Variants in CELF2 observed in about 807,000 individuals in gnomAD.
CELF2 encodes the protein CUG triplet repeat RNA-binding protein 2.
A neutral mutation model predicts 62.6 loss-of-function variants in CELF2; 8 were observed. The observed-to-expected ratio is 0.13, with a 90% CI of 0.07 to 0.23. The LOEUF (loss-of-function observed/expected upper bound fraction) is 0.23, where lower values mean the gene tolerates loss of function less well. Ranked by LOEUF, CELF2 falls within the 10% of genes least tolerant of loss-of-function variation. The pLI, the probability that CELF2 is intolerant of heterozygous loss-of-function variation, is 1.00. For synonymous variants in CELF2, 258 were observed against 250.0 expected (o/e 1.03, Z -0.30); for missense variants, 333 against 671.0 (o/e 0.50, Z 5.56).
intron 2 of CELF2, among the ~76,000 whole-genome samples, chr10:11,176,683 A>G (rs2071267363): frequency 6.6e-6 from 1 of 152,188 alleles, no homozygotes; most frequent in Non-Finnish European, 1.5e-5. Flanking sequence ...GGACTAGAAA[A>G]CAGTACAGAT....
intron 1 of CELF2, among the ~76,000 whole-genome samples, chr10:11,164,056 C>G (rs1440985079): frequency 2.0e-5 from 3 of 152,166 alleles, no homozygotes; most frequent in African/African-American, 4.8e-5. Flanking sequence ...TAGCATGTCC[C>G]CTTTCTGACC....
chr10:11,334,535 T>A lies in CELF2; in HGVS notation c.*5482T>A, dbSNP rs1222362824. On this transcript the variant is annotated 3_prime_UTR_variant, in exon 13 of 13. Transcript: ENST00000633077. ...AGAGGAAACTGCACAGCAGCCACCT[T>A]TGATTTATGTACAACCGCCCACTTG... The A allele has an allele frequency of 6.6e-6, 1 of 152,616 alleles. No homozygotes were observed. Among genetic ancestry groups the A allele is most frequent in the Non-Finnish European group, 1.5e-5 (1 of 68,040 alleles). 9.5% of individuals were successfully genotyped at this position (152,616 alleles called of 1,614,324 possible). A position where few individuals can be genotyped will look rare whatever the true frequency, so the allele number is the denominator to read the frequency against.
intron 2 of CELF2, among the ~76,000 whole-genome samples, chr10:10,953,818 T>A (rs1180068098): frequency 1.4e-5 from 2 of 142,988 alleles, no homozygotes; most frequent in South Asian, 2.2e-4. Context: ...ACAAGCAAAG[T>A]AAAAAAAAAA....
chr10:10,806,178 T>G (rs111954042), intron 1 of CELF2, among the ~76,000 whole-genome samples: 2,060 of 150,052 alleles, frequency 0.014, 61 homozygotes, highest in African/African-American at 0.048. Flanking sequence ...GAGCAGAGCA[T>G]GGGAGACACA....
chr10:10,813,292 T>C (rs1326646849), intron 1 of CELF2, among the ~76,000 whole-genome samples: 1 of 152,200 alleles, frequency 6.6e-6, no homozygotes, highest in African/African-American at 2.4e-5. Context: ...GGGCTGAAGA[T>C]TGCAATCCAT....
the CELF2 span, among the ~76,000 whole-genome samples, chr10:10,549,903 T>C: frequency 6.6e-6 from 1 of 152,180 alleles, no homozygotes; most frequent in Non-Finnish European, 1.5e-5. Context: ...GAAGAGTTAC[T>C]GTGTGGGGAA....
chr10:10,857,886 A>G (rs529172999), intron 1 of CELF2, among the ~76,000 whole-genome samples: 1 of 151,892 alleles, frequency 6.6e-6, no homozygotes, highest in African/African-American at 2.4e-5. Flanking sequence ...ACAGAAATAT[A>G]AAACACAACC....
chr10:10,530,392 T>C, the CELF2 span, among the ~76,000 whole-genome samples: 3 of 152,238 alleles, frequency 2.0e-5, no homozygotes, highest in Non-Finnish European at 4.4e-5. Flanking sequence ...ATGTTTTTGT[T>C]GTCAAGATAC....
At chr10:11,134,886 CA>C (rs1031115271) in intron 1 of CELF2, among the ~76,000 whole-genome samples, 2 of 152,212 alleles carry the variant, frequency 1.3e-5, no homozygotes, top group African/African-American at 4.8e-5. Flanking sequence ...CTGATTGAAA[CA>C]CTTTTCTTTT....
the CELF2 span, among the ~76,000 whole-genome samples, chr10:10,690,360 G>C: frequency 4.6e-5 from 7 of 152,162 alleles, no homozygotes; most frequent in African/African-American, 1.7e-4. Flanking sequence ...CAGTCTATCA[G>C]CCTACATGAT....
At chr10:11,124,865 A>G (rs1349140773) in intron 1 of CELF2, among the ~76,000 whole-genome samples, 1 of 152,200 alleles carries the variant, frequency 6.6e-6, no homozygotes, top group Non-Finnish European at 1.5e-5. Context: ...TTTGATTCAC[A>G]TATGCTTATA....
rs1394287591 is a variant in CELF2 at position 11,300,747 on chromosome 10, G to A, written c.976+12195G>A. Among the ~76,000 whole-genome samples the A allele has an allele frequency of 6.6e-6, 1 of 152,090 alleles. No individual in the cohort carries two copies. The highest frequency in any genetic ancestry group is 1.5e-5 in the Non-Finnish European group (1 of 68,026). ...TCTTTTCCTGCGCAGTTGGAATTCC[G>A]CATCCAAGCTCGTTTGAGGCAAAAC... On this transcript the variant is annotated intron_variant, in intron 9 of 12. Transcript: ENST00000633077. The surrounding 1 kb of genome is among the most constrained non-coding windows in gnomAD (Gnocchi z 5.5).
chr10:10,569,547 A>T, the CELF2 span, among the ~76,000 whole-genome samples: 1 of 152,232 alleles, frequency 6.6e-6, no homozygotes, highest in African/African-American at 2.4e-5. Flanking sequence ...AGTAAAGGAT[A>T]AAATATATTT....
intron 1 of CELF2, among the ~76,000 whole-genome samples, chr10:10,809,770 A>G (rs558025820): frequency 6.6e-6 from 1 of 152,338 alleles, no homozygotes; most frequent in East Asian, 1.9e-4. Context: ...GAAGTTTGTG[A>G]AAATAATGAT....
Position 11,227,382 on chromosome 10 carries a change from G to A in CELF2, c.354+9875G>A, listed in dbSNP as rs2066985240. Among the ~76,000 whole-genome samples, 1 of 152,198 alleles carries A rather than the reference G, an allele frequency of 6.6e-6. No individual in the cohort carries two copies. ...AACCAGGCAGCCCACGCCACAGATG[G>A]CACAGCAGGATGAACACGGCCCCAT... On this transcript the variant is annotated intron_variant, in intron 3 of 12. Transcript: ENST00000633077. The surrounding 1 kb of genome is among the most constrained non-coding windows in gnomAD (Gnocchi z 4.8).
rs80175715 is a variant in CELF2 at position 10,918,556 on chromosome 10, A to G, written c.54-1408A>G. ...AAAGTGCTCAGGTATTATCACAGGG[A>G]GTAAATAGGAAGAGGGAGTTCTAAT... is the stretch of plus-strand genomic sequence containing the variant. On this transcript the variant is annotated intron_variant, in intron 1 of 13. Transcript: ENST00000636488. Among the ~76,000 whole-genome samples, 1,083 of 152,324 alleles carry G rather than the reference A, an allele frequency of 7.1e-3. 8 individuals are homozygous for G. The highest frequency in any genetic ancestry group is 0.017 in the Middle Eastern group (5 of 294).
chr10:11,031,418 G>T (rs2060094566), intron 1 of CELF2, among the ~76,000 whole-genome samples: 1 of 152,154 alleles, frequency 6.6e-6, no homozygotes, highest in Non-Finnish European at 1.5e-5. Flanking sequence ...ATAAACATTT[G>T]ATGGGATTCT....
Position 11,224,436 on chromosome 10 carries a change from G to A in CELF2, c.354+6929G>A, listed in dbSNP as rs1413233026. The stretch of plus-strand genomic sequence containing the variant: ...CAGAGATAATCATTTCTCTACGACA[G>A]CCCAAGATTAAACTGGGAATATGCA... On this transcript the variant is annotated intron_variant, in intron 3 of 12. Coordinates refer to ENST00000633077, the MANE Select transcript of CELF2 (RefSeq NM_001326342.2). The surrounding 1 kb of genome is among the most constrained non-coding windows in gnomAD (Gnocchi z 4.5). Among the ~76,000 whole-genome samples the A allele has an allele frequency of 1.3e-5, 2 of 152,148 alleles. No individual in the cohort carries two copies. The highest frequency in any genetic ancestry group is 3.9e-4 in the East Asian group (2 of 5,186).
chr10:10,541,802 T>A, the CELF2 span, among the ~76,000 whole-genome samples: 1 of 152,324 alleles, frequency 6.6e-6, no homozygotes, highest in African/African-American at 2.4e-5. Context: ...CTTGGTGACC[T>A]GTATCTTGTG....
Sources: gnomAD v4.1 joint callset for allele counts (sites outside exome capture counted in the v4.1 genomes callset) on GRCh38, gnomAD v4.1.1 for gene constraint, Gnocchi (gnomAD v3.1) non-coding constraint, MANE v1.5 for transcripts, NCBI Gene and HGNC (gene_info 2026-07-23, HGNC 2026-07-21) for gene names.